PTK2: variants seen among roughly 807,000 people sequenced by gnomAD.
PTK2 encodes focal adhesion kinase 1.
Under a neutral mutation model 150.1 loss-of-function variants are expected in PTK2, and 45 were observed. The observed-to-expected ratio is 0.30, with a 90% CI of 0.24 to 0.38. The LOEUF (loss-of-function observed/expected upper bound fraction) is 0.38, where lower values mean the gene tolerates loss of function less well. Ranked by LOEUF, PTK2 falls within the 10% of genes least tolerant of loss-of-function variation. The pLI, the probability that PTK2 is intolerant of heterozygous loss-of-function variation, is 1.00. For synonymous variants in PTK2, 432 were observed against 449.2 expected, an observed-to-expected ratio of 0.96 and a Z score of 0.48; for missense variants, 919 against 1,307.3, an observed-to-expected ratio of 0.70 and a Z score of 4.58.
chr8:140,800,198 T>C (rs1180479746), intron 12 of PTK2, among the ~76,000 whole-genome samples: 1 of 152,192 alleles, frequency 6.6e-6, no homozygotes, highest in Admixed American at 6.5e-5. Flanking sequence ...AATGGCAATT[T>C]AGAAAATCCT....
At chr8:140,680,800 A>G (rs1288921994) in intron 27 of PTK2, among the ~76,000 whole-genome samples, 2 of 152,184 alleles carry the variant, frequency 1.3e-5, no homozygotes, top group African/African-American at 4.8e-5. Context: ...TTGCTCGTGA[A>G]CTAAAGAATG....
intron 5 of PTK2, among the ~76,000 whole-genome samples, chr8:140,850,561 TAAAAAA>T (rs538920575): frequency 8.3e-6 from 1 of 120,982 alleles, no homozygotes; most frequent in Non-Finnish European, 1.7e-5. Flanking sequence ...CCATCTCTAC[TAAAAAA>T]AAAAAAAAAA....
chr8:140,793,496 C>T, intron 12 of PTK2, 112 bp from the exon 13 acceptor site: 2 of 1,157,024 alleles, frequency 1.7e-6, no homozygotes, highest in South Asian at 3.2e-5. Flanking sequence ...CAGCAATGAC[C>T]CTTTAAAGAA....
At chr8:140,681,051 C>G (rs904726650) in intron 27 of PTK2, among the ~76,000 whole-genome samples, 1 of 152,198 alleles carries the variant, frequency 6.6e-6, no homozygotes, top group Non-Finnish European at 1.5e-5. Flanking sequence ...TTGGTTTGCT[C>G]AAATTAGTAA....
chr8:140,982,631 T>C (rs1243689891), intron 1 of PTK2, among the ~76,000 whole-genome samples: 1 of 151,994 alleles, frequency 6.6e-6, no homozygotes, highest in Non-Finnish European at 1.5e-5. Context: ...CACAGGACAG[T>C]CAGCTGCATC....
chr8:140,889,492 G>C (rs1392635999), intron 3 of PTK2, among the ~76,000 whole-genome samples: 1 of 152,154 alleles, frequency 6.6e-6, no homozygotes, highest in Non-Finnish European at 1.5e-5. Context: ...GCCTCCCAAA[G>C]TGCTGGGATT....
intron 1 of PTK2, among the ~76,000 whole-genome samples, chr8:140,989,212 T>TAAAAAAAAAA (rs71310816): frequency 6.6e-5 from 4 of 60,580 alleles, no homozygotes; most frequent in Non-Finnish European, 1.2e-4. Flanking sequence ...ACCCTGTCTC[T>TAAAAAAAAAA]AAAAAAAAAA....
intron 4 of PTK2, among the ~76,000 whole-genome samples, chr8:140,865,776 T>C (rs1414205134): frequency 6.6e-6 from 1 of 152,216 alleles, no homozygotes; most frequent in Non-Finnish European, 1.5e-5. Context: ...AACTACTTTA[T>C]GTGAACTATT....
chr8:140,813,123 T>C (rs2100102567), intron 10 of PTK2, among the ~76,000 whole-genome samples: 1 of 152,196 alleles, frequency 6.6e-6, no homozygotes. Context: ...ATCAATTATA[T>C]AATTGAACAC....
At chr8:140,852,140 A>G (rs905489580) in intron 5 of PTK2, among the ~76,000 whole-genome samples, 1 of 152,250 alleles carries the variant, frequency 6.6e-6, no homozygotes. Context: ...TCCCGAAGAT[A>G]ATAAACTGAG....
intron 7 of PTK2, among the ~76,000 whole-genome samples, chr8:140,836,427 G>A (rs949670559): frequency 1.3e-5 from 2 of 152,172 alleles, no homozygotes; most frequent in African/African-American, 2.4e-5. Flanking sequence ...GCTATGAGGT[G>A]GCTATGGATT....
At position 140,998,849 on chromosome 8, in the gene PTK2, G is replaced by A. The variant is rs1392120533; in HGVS notation, c.-122+2276C>T. Among the ~76,000 whole-genome samples, 12 of 151,178 alleles carry A rather than the reference G, an allele frequency of 7.9e-5. 1 individual carries two copies. Among genetic ancestry groups the A allele is most frequent in the Middle Eastern group, 6.8e-3 (2 of 294 alleles). ...AAAAAAAAAAAAAACTATTTTCTTA[G>A]ACAATTTCTCCAACTCCCTAGAAAG... On this transcript the variant is annotated intron_variant, in intron 1 of 31. Coordinates refer to ENST00000522684, the Ensembl canonical transcript of PTK2.
At chr8:140,720,151 C>G (rs182345000) in intron 22 of PTK2, among the ~76,000 whole-genome samples, 50 of 152,064 alleles carry the variant, frequency 3.3e-4, no homozygotes, top group Non-Finnish European at 6.6e-4. Flanking sequence ...GGAAATGTAA[C>G]GAGCATTACA....
At chr8:140,809,549 A>T (rs1306044804) in intron 10 of PTK2, among the ~76,000 whole-genome samples, 3 of 152,232 alleles carry the variant, frequency 2.0e-5, no homozygotes, top group Non-Finnish European at 4.4e-5. Flanking sequence ...TCACGCCTGT[A>T]ATCTCAGCAC....
At chr8:140,744,068 C>T (rs569798521) in intron 19 of PTK2, among the ~76,000 whole-genome samples, 3 of 40,794 alleles carry the variant, frequency 7.4e-5, no homozygotes, top group South Asian at 1.4e-3. Flanking sequence ...TGAGCCACCG[C>T]GCCCGGCCTA....
intron 31 of PTK2, 40 bp from the exon 36 acceptor site, chr8:140,659,718 GA>G (rs2076713202): frequency 6.9e-7 from 1 of 1,449,456 alleles, no homozygotes. Flanking sequence ...TGTTTTCAGT[GA>G]TTTTTTTTTT....
chr8:140,792,017 G>A (rs2100088783), intron 13 of PTK2, among the ~76,000 whole-genome samples: 1 of 152,170 alleles, frequency 6.6e-6, no homozygotes, highest in Non-Finnish European at 1.5e-5. Flanking sequence ...CTGTAGCACA[G>A]AGCACGGACA....
chr8:140,925,538 A>G, intron 2 of PTK2, 123 bp downstream of exon 2: 1 of 603,850 alleles, frequency 1.7e-6, no homozygotes, highest in South Asian at 7.3e-5. Flanking sequence ...TCAAAGAAAT[A>G]TTAGTCATAA....
At chr8:140,744,073 G>A (rs1208063542) in intron 19 of PTK2, among the ~76,000 whole-genome samples, 3 of 119,620 alleles carry the variant, frequency 2.5e-5, no homozygotes, top group East Asian at 2.5e-4. Context: ...CACCGCGCCC[G>A]GCCTATTTCT....
Sources: gnomAD v4.1 joint callset for allele counts (sites outside exome capture counted in the v4.1 genomes callset) on GRCh38, gnomAD v4.1.1 for gene constraint, MANE v1.5 for transcripts, NCBI Gene and HGNC (gene_info 2026-07-23, HGNC 2026-07-21) for gene names.